ST6GALNAC5: variants seen among roughly 807,000 people sequenced by gnomAD.
The protein encoded by ST6GALNAC5 is ST6 N-acetylgalactosaminide alpha-2,6-sialyltransferase 5.
In ST6GALNAC5, 27 loss-of-function variants were observed where a neutral mutation model predicts 33.6. The ratio of observed to expected loss-of-function variants is 0.80; its 90% confidence interval spans 0.59 to 1.11. The LOEUF is 1.11. Among genes scored for constraint, ST6GALNAC5 ranks in the 50% least tolerant of loss-of-function variants. The pLI, the probability that ST6GALNAC5 is intolerant of heterozygous loss-of-function variation, is 0.00. For missense variants in ST6GALNAC5, 428 were observed against 454.0 expected, an observed-to-expected ratio of 0.94 and a Z score of 0.52; for synonymous variants, 194 against 171.2, an observed-to-expected ratio of 1.13 and a Z score of -1.04.
chr1:76,982,793 A>G (rs1649311289), intron 2 of ST6GALNAC5, among the ~76,000 whole-genome samples: 1 of 152,140 alleles, frequency 6.6e-6, no homozygotes, highest in Admixed American at 6.5e-5. Context: ...AGGGAAGCCC[A>G]TCAGACTAAC....
At chr1:76,886,563 C>CA (rs1653900412) in intron 2 of ST6GALNAC5, among the ~76,000 whole-genome samples, 1 of 152,136 alleles carries the variant, frequency 6.6e-6, no homozygotes, top group African/African-American at 2.4e-5. Flanking sequence ...TACTCCTTGC[C>CA]AACAAGCTCT....
intron 2 of ST6GALNAC5, among the ~76,000 whole-genome samples, chr1:76,905,941 G>T (rs1238595100): frequency 6.6e-6 from 1 of 152,100 alleles, no homozygotes; most frequent in African/African-American, 2.4e-5. Flanking sequence ...GATGGAGAAA[G>T]GTGCCTTCTA....
chr1:76,939,751 C>T (rs192643265), intron 2 of ST6GALNAC5, among the ~76,000 whole-genome samples: 2 of 152,174 alleles, frequency 1.3e-5, no homozygotes, highest in Admixed American at 6.5e-5. Flanking sequence ...GATCACCTGC[C>T]GTGTGCCAGG....
intron 2 of ST6GALNAC5, among the ~76,000 whole-genome samples, chr1:76,914,654 C>G (rs1045513474): frequency 4.6e-5 from 7 of 152,178 alleles, no homozygotes; most frequent in Non-Finnish European, 1.5e-5. Context: ...ACAGCTGAAA[C>G]TGGATCCCTT....
At chr1:77,050,202 T>C (rs1652173254) in intron 3 of ST6GALNAC5, 56 bp from the exon 4 acceptor site, 4 of 1,403,792 alleles carry the variant, frequency 2.8e-6, no homozygotes, top group East Asian at 2.3e-5. Context: ...TTAAAGATGG[T>C]AGTGGGTATA....
intron 2 of ST6GALNAC5, among the ~76,000 whole-genome samples, chr1:76,999,892 G>A (rs1335642355): frequency 7.7e-6 from 1 of 130,380 alleles, no homozygotes; most frequent in Non-Finnish European, 1.8e-5. Context: ...GTCTATCATT[G>A]TTGGACATTT....
rs1215466882 is a variant in ST6GALNAC5, at chr1:76,868,623, C to T, written c.142C>T (p.Gln48Ter). 3.1e-6 allele frequency: 5 copies of T among 1,610,848 alleles called. No individual in the cohort carries two copies. The highest frequency in any genetic ancestry group is 4.2e-6 in the Non-Finnish European group (5 of 1,178,768). The change falls in exon 2 of 5, where the codon CAG becomes TAG. Residue 48 changes from glutamine (Q) to a stop codon, truncating the protein, a stop_gained. Coordinates refer to ENST00000477717, the MANE Select transcript of ST6GALNAC5 (RefSeq NM_030965.3). LOFTEE classifies it high-confidence loss of function. The surrounding 1 kb of genome is among the most constrained non-coding windows in gnomAD (Gnocchi z 4.3). ...QQQQQQQQQQQQASATGSSQP... is the reference protein window; with the variant it reads ...QQQQQQQQQQ ...GCAGCAGCAGCAGCAGCAACAGCAG[C>T]AGCAGGCGTCGGCCACCGGCAGCTC...
chr1:76,905,121 T>C (rs902439151), intron 2 of ST6GALNAC5, among the ~76,000 whole-genome samples: 3 of 152,250 alleles, frequency 2.0e-5, no homozygotes, highest in African/African-American at 7.2e-5. Flanking sequence ...AAAAGCGAAA[T>C]TAAAAAGAAA....
rs368320683 is a variant in ST6GALNAC5, at chr1:76,984,142, G to T, written c.262-60062G>T. Among the ~76,000 whole-genome samples, 70 of 152,160 alleles carry T rather than the reference G, an allele frequency of 4.6e-4. No homozygotes were observed. The Middle Eastern group carries it at 0.014, about 30-fold the overall frequency. On this transcript the variant is annotated intron_variant, in intron 2 of 4. Coordinates refer to ENST00000477717, the MANE Select transcript of ST6GALNAC5 (RefSeq NM_030965.3). Reference sequence around the variant, plus strand: ...CAAACAAATTAAAATGCTAGCAGAAGGCAAGAAATAACTAAGATCAGAGCA... The same window carrying T: ...CAAACAAATTAAAATGCTAGCAGAATGCAAGAAATAACTAAGATCAGAGCA...
Position 77,066,819 on chromosome 1 carries a change from C to A in ST6GALNAC5, c.*3613C>A, listed in dbSNP as rs1290181027. Reference sequence around the variant, plus strand: ...GTATCTCTTTACTGTCATTTTCTCCCAATTGTCTTCTTTTGTCTACAGTGT... The same window carrying A: ...GTATCTCTTTACTGTCATTTTCTCCAAATTGTCTTCTTTTGTCTACAGTGT... On this transcript the variant is annotated 3_prime_UTR_variant, in exon 5 of 5. Coordinates refer to ENST00000477717, the MANE Select transcript of ST6GALNAC5 (RefSeq NM_030965.3). 6.6e-6 allele frequency among the ~76,000 whole-genome samples: 1 copy of A among 152,134 alleles called. No individual in the cohort carries two copies. The highest frequency in any genetic ancestry group is 2.4e-5 in the African/African-American group (1 of 41,416).
intron 2 of ST6GALNAC5, among the ~76,000 whole-genome samples, chr1:76,935,217 G>A (rs889386950): frequency 2.6e-5 from 4 of 151,822 alleles, no homozygotes; most frequent in Admixed American, 6.6e-5. Flanking sequence ...AAATACGTGG[G>A]AAATAAATAA....
At position 76,976,828 on chromosome 1, in the gene ST6GALNAC5, ATT is replaced by A. The variant is rs141780288; in HGVS notation, c.262-67368_262-67367del. ...GATTAATGAAACTAACAGTTTTGGG[ATT>A]TTTTTTTAAGAACCAACATTAGCCT... On this transcript the variant is annotated intron_variant, in intron 2 of 4. Coordinates refer to ENST00000477717, the MANE Select transcript of ST6GALNAC5 (RefSeq NM_030965.3). Among the ~76,000 whole-genome samples, 300 of 150,976 alleles carry A rather than the reference ATT, an allele frequency of 2.0e-3. 1 individual carries two copies. Among genetic ancestry groups the A allele is most frequent in the African/African-American group, 6.9e-3 (285 of 41,166 alleles).
chr1:76,897,716 A>G (rs951266978), intron 2 of ST6GALNAC5, among the ~76,000 whole-genome samples: 1 of 152,210 alleles, frequency 6.6e-6, no homozygotes, highest in African/African-American at 2.4e-5. Context: ...TCAGGGAAGC[A>G]GATAATTTAG....
chr1:76,904,004 A>C (rs1288461644), intron 2 of ST6GALNAC5, among the ~76,000 whole-genome samples: 17 of 152,112 alleles, frequency 1.1e-4, no homozygotes, highest in Non-Finnish European at 4.4e-5. Context: ...GTAAATTAAA[A>C]CCATCCAATT....
At chr1:76,888,490 G>A (rs180913631) in intron 2 of ST6GALNAC5, among the ~76,000 whole-genome samples, 30 of 152,094 alleles carry the variant, frequency 2.0e-4, no homozygotes, top group African/African-American at 5.3e-4. Flanking sequence ...TATAATCATC[G>A]CCTTTTAAGA....
At chr1:76,897,410 A>C (rs1570649959) in intron 2 of ST6GALNAC5, among the ~76,000 whole-genome samples, 3 of 152,306 alleles carry the variant, frequency 2.0e-5, no homozygotes, top group African/African-American at 7.2e-5. Context: ...AGACAGATAA[A>C]ATGGGGGAAT....
intron 2 of ST6GALNAC5, among the ~76,000 whole-genome samples, chr1:76,912,304 T>G (rs1245071095): frequency 1.3e-5 from 2 of 152,190 alleles, no homozygotes; most frequent in African/African-American, 4.8e-5. Context: ...TTGTTATAAT[T>G]TCTGTTCTTT....
At chr1:76,911,975 T>C (rs1012695816) in intron 2 of ST6GALNAC5, among the ~76,000 whole-genome samples, 1 of 152,184 alleles carries the variant, frequency 6.6e-6, no homozygotes, top group Non-Finnish European at 1.5e-5. Context: ...AGCTTTTGAA[T>C]GTGTTCGCCC....
intron 2 of ST6GALNAC5, among the ~76,000 whole-genome samples, chr1:76,907,726 T>G (rs1430861667): frequency 6.6e-6 from 1 of 152,122 alleles, no homozygotes; most frequent in African/African-American, 2.4e-5. Context: ...TTCCTCCTAT[T>G]AAGCATGGAG....
Sources: allele counts gnomAD v4.1 joint callset (sites outside exome capture counted in the v4.1 genomes callset), GRCh38; gene constraint gnomAD v4.1.1; non-coding constraint Gnocchi (gnomAD v3.1); transcripts MANE v1.5; gene names NCBI Gene and HGNC (gene_info 2026-07-23, HGNC 2026-07-21).